Variants in PRKCH observed in about 807,000 individuals in gnomAD.
The protein encoded by PRKCH is protein kinase C eta type.
In PRKCH, 28 loss-of-function variants were observed where a neutral mutation model predicts 82.5. The observed-to-expected ratio is 0.34, with a 90% confidence interval of 0.25 to 0.47. The LOEUF is 0.47. Among genes scored for constraint, PRKCH ranks in the 20% least tolerant of loss-of-function variants. The pLI, the probability that PRKCH is intolerant of heterozygous loss-of-function variation, is 1.00. For missense variants in PRKCH, 705 were observed against 881.8 expected (o/e 0.80, Z 2.54); for synonymous variants, 322 against 327.4 (o/e 0.98, Z 0.18).
chr14:61,414,638 C>T (rs1258798290), intron 2 of PRKCH, among the ~76,000 whole-genome samples: 1 of 143,610 alleles, frequency 7.0e-6, no homozygotes, highest in Non-Finnish European at 1.5e-5. Flanking sequence ...CCAGGCTGCA[C>T]TGGCTAAGTT....
In PRKCH at chr14:61,306,611, G is replaced by A. The variant is rs575435582; in HGVS notation, c.-19+118943G>A. 9 of 152,316 alleles carry A rather than the reference G, an allele frequency of 5.9e-5. No homozygotes were observed. The South Asian group carries it at 8.3e-4, about 14-fold the overall frequency. 9.4% of individuals were successfully genotyped at this position (152,316 alleles called of 1,614,324 possible). A position where few individuals can be genotyped will look rare whatever the true frequency, so the allele number is the denominator to read the frequency against. On this transcript the variant is annotated intron_variant, in intron 1 of 3. Coordinates refer to the PRKCH transcript ENST00000555185. ...TCAGTTATCTTGTGTATTTCTAGTT[G>A]TTTCTAGTGGGAGGATGTGTCTGGC...
chr14:61,423,497 A>T (rs1378096930), intron 2 of PRKCH, among the ~76,000 whole-genome samples: 1 of 152,232 alleles, frequency 6.6e-6, no homozygotes, highest in East Asian at 1.9e-4. Context: ...GCATGCCATT[A>T]GCTGGAGTGG....
chr14:61,385,386 T>A (rs536914031), intron 1 of PRKCH, among the ~76,000 whole-genome samples: 1 of 152,094 alleles, frequency 6.6e-6, no homozygotes, highest in South Asian at 2.1e-4. Context: ...ATGAAGCACT[T>A]AGGTTTTTAT....
chr14:61,189,633 C>T (rs1245381673), intron 1 of PRKCH, among the ~76,000 whole-genome samples: 1 of 151,894 alleles, frequency 6.6e-6, no homozygotes, highest in African/African-American at 2.4e-5. Flanking sequence ...CTCCCTTTCT[C>T]TCTGTCTTCC....
intron 10 of PRKCH, among the ~76,000 whole-genome samples, chr14:61,503,201 A>G (rs1360749162): frequency 6.6e-6 from 1 of 151,656 alleles, no homozygotes; most frequent in Non-Finnish European, 1.5e-5. Context: ...AGAACACTGA[A>G]ATTTTGTTTT....
rs560025219 is a variant in PRKCH at position 61,257,317 on chromosome 14, C to T, written c.-19+69649C>T. 5.9e-5 allele frequency among the ~76,000 whole-genome samples: 9 copies of T among 151,818 alleles called. No homozygotes were observed. The South Asian group carries it at 6.3e-4, about 11-fold the overall frequency. The stretch of plus-strand genomic sequence containing the variant: ...AGCACGCAGGCCCAGCCAGAGGCGG[C>T]GAGGTCAGAGGTCAGGGTTAACACC... On this transcript the variant is annotated intron_variant, in intron 1 of 3. Transcript: ENST00000555185.
chr14:61,378,138 A>T (rs1395954497), intron 1 of PRKCH, among the ~76,000 whole-genome samples: 1 of 152,028 alleles, frequency 6.6e-6, no homozygotes, highest in Non-Finnish European at 1.5e-5. Flanking sequence ...TTCAGGCCTC[A>T]ATTCAGGGTC....
chr14:61,329,433 G>T (rs2045752125), intron 1 of PRKCH, among the ~76,000 whole-genome samples: 1 of 151,724 alleles, frequency 6.6e-6, no homozygotes, highest in Non-Finnish European at 1.5e-5. Context: ...ACAGGGTTTT[G>T]CCATGTTGGC....
chr14:61,418,454 C>T (rs1231863460), intron 2 of PRKCH, among the ~76,000 whole-genome samples: 2 of 152,190 alleles, frequency 1.3e-5, no homozygotes, highest in East Asian at 1.9e-4. Context: ...CTGACAACCT[C>T]TGGATGAAGG....
intron 1 of PRKCH, among the ~76,000 whole-genome samples, chr14:61,265,442 T>C (rs1162653456): frequency 6.6e-6 from 1 of 152,128 alleles, no homozygotes; most frequent in African/African-American, 2.4e-5. Flanking sequence ...GATCGTGCCG[T>C]TGCACTCCAG....
At chr14:61,479,449 GC>G (rs1231203787) in intron 9 of PRKCH, among the ~76,000 whole-genome samples, 1 of 152,150 alleles carries the variant, frequency 6.6e-6, no homozygotes, top group African/African-American at 2.4e-5. Context: ...CATGAGCTGA[GC>G]AGATGCCTCC....
chr14:61,331,658 T>C (rs2045790851), intron 1 of PRKCH, among the ~76,000 whole-genome samples: 1 of 152,266 alleles, frequency 6.6e-6, no homozygotes, highest in Non-Finnish European at 1.5e-5. Context: ...AAGCGTCTGC[T>C]TATCTGGGTC....
chr14:61,517,661 G>A (rs1018305726), intron 10 of PRKCH, among the ~76,000 whole-genome samples: 6 of 152,204 alleles, frequency 3.9e-5, no homozygotes, highest in African/African-American at 9.7e-5. Context: ...CTATGAACTC[G>A]TTTGTTGGTC....
At chr14:61,542,947 A>C (rs1282973488) in intron 12 of PRKCH, among the ~76,000 whole-genome samples, 1 of 152,218 alleles carries the variant, frequency 6.6e-6, no homozygotes, top group Non-Finnish European at 1.5e-5. Context: ...TAATTCTCTC[A>C]TTGACTCATC....
chr14:61,453,172 C>G lies in PRKCH; in HGVS notation c.833-54C>G. 2.5e-6 allele frequency: 4 copies of G among 1,605,716 alleles called. No individual in the cohort carries two copies. The South Asian group carries it at 3.3e-5, about 13-fold the overall frequency. On this transcript the variant is annotated intron_variant, in intron 6 of 13. Transcript: ENST00000332981. ...GCTATTAAAGTTCTCTGTTGCAGCA[C>G]ATGTTGAATTGGTTCCTTTCTGAAC...
At chr14:61,407,136 A>C (rs2140226828) in intron 2 of PRKCH, among the ~76,000 whole-genome samples, 1 of 152,232 alleles carries the variant, frequency 6.6e-6, no homozygotes, top group African/African-American at 2.4e-5. Flanking sequence ...TAGAGTAGGG[A>C]CTGATTTAAA....
intron 1 of PRKCH, among the ~76,000 whole-genome samples, chr14:61,237,168 A>G (rs1333623565): frequency 6.6e-6 from 1 of 150,922 alleles, no homozygotes; most frequent in African/African-American, 2.4e-5. Context: ...GCTTGAACCC[A>G]GGAGGTGGAA....
At chr14:61,483,003 A>G (rs1264428442) in intron 9 of PRKCH, among the ~76,000 whole-genome samples, 1 of 152,356 alleles carries the variant, frequency 6.6e-6, no homozygotes, top group Middle Eastern at 3.4e-3. Context: ...TGTTCAGAGC[A>G]ATTGGAATTC....
intron 1 of PRKCH, among the ~76,000 whole-genome samples, chr14:61,348,564 T>C (rs1310145607): frequency 6.6e-6 from 1 of 152,262 alleles, no homozygotes; most frequent in African/African-American, 2.4e-5. Context: ...GCAGAACTTT[T>C]ATTACTTGCA....
Sources: allele counts gnomAD v4.1 joint callset (sites outside exome capture counted in the v4.1 genomes callset), GRCh38; gene constraint gnomAD v4.1.1; transcripts MANE v1.5; gene names NCBI Gene and HGNC (gene_info 2026-07-23, HGNC 2026-07-21).